The following TRHDE variants were observed in gnomAD, a reference collection of about 807,000 sequenced individuals.
The protein encoded by TRHDE is thyrotropin-releasing hormone-degrading ectoenzyme.
A neutral mutation model predicts 125.7 loss-of-function variants in TRHDE; 72 were observed. The observed-to-expected ratio is 0.57, with a 90% CI of 0.47 to 0.70. TRHDE has a LOEUF of 0.70. TRHDE is among the 30% of genes least tolerant of loss of function. The pLI is 0.00. For synonymous variants in TRHDE, 509 were observed against 509.1 expected, an observed-to-expected ratio of 1.00 and a Z score of 0.00; for missense variants, 1,110 against 1,327.1, an observed-to-expected ratio of 0.84 and a Z score of 2.54.
chr12:72,191,881 GA>G (rs1565659273), intron 2 of TRHDE, among the ~76,000 whole-genome samples: 1 of 152,026 alleles, frequency 6.6e-6, no homozygotes, highest in African/African-American at 2.4e-5. Context: ...AATACTTTCC[GA>G]AAACAGAATC....
intron 2 of TRHDE, among the ~76,000 whole-genome samples, chr12:72,357,278 C>T (rs985816214): frequency 2.0e-5 from 3 of 151,444 alleles, no homozygotes; most frequent in Non-Finnish European, 3.0e-5. Context: ...ATTACTAGTC[C>T]ATGAAAAATA....
intron 15 of TRHDE, among the ~76,000 whole-genome samples, chr12:72,636,967 T>G (rs1270051796): frequency 6.6e-6 from 1 of 152,182 alleles, no homozygotes; most frequent in Admixed American, 6.5e-5. Flanking sequence ...AAAATTCTCT[T>G]TTTTGGTTGT....
chr12:72,626,276 T>C (rs1188165264), intron 15 of TRHDE, among the ~76,000 whole-genome samples: 8 of 151,940 alleles, frequency 5.3e-5, no homozygotes, highest in African/African-American at 1.9e-4. Context: ...ATCATATTAC[T>C]AACCACACAG....
chr12:72,293,265 T>C (rs1417194971), intron 2 of TRHDE, among the ~76,000 whole-genome samples: 2 of 152,168 alleles, frequency 1.3e-5, no homozygotes, highest in African/African-American at 2.4e-5. Flanking sequence ...GTCAGATTCA[T>C]AGTTTGTGAA....
intron 12 of TRHDE, among the ~76,000 whole-genome samples, chr12:72,594,569 T>A (rs1871846069): frequency 6.6e-6 from 1 of 151,784 alleles, no homozygotes; most frequent in Non-Finnish European, 1.5e-5. Flanking sequence ...TAATCCCATT[T>A]GGTATTTATG....
intron 2 of TRHDE, among the ~76,000 whole-genome samples, chr12:72,302,392 CT>C (rs1482735961): frequency 6.6e-6 from 1 of 151,908 alleles, no homozygotes; most frequent in Non-Finnish European, 1.5e-5. Flanking sequence ...CCTAATGGAA[CT>C]TCATAAAAAT....
At chr12:72,281,772 T>A (rs1369501957) in intron 1 of TRHDE, among the ~76,000 whole-genome samples, 1 of 152,220 alleles carries the variant, frequency 6.6e-6, no homozygotes, top group Non-Finnish European at 1.5e-5. Flanking sequence ...TATCACATAC[T>A]GTAATTTGTT....
chr12:72,200,879 G>A (rs182417150), intron 2 of TRHDE, among the ~76,000 whole-genome samples: 1 of 152,184 alleles, frequency 6.6e-6, no homozygotes, highest in Non-Finnish European at 1.5e-5. Flanking sequence ...CAAAGGCAGG[G>A]CACCTAAACC....
chr12:72,146,730 A>T (rs957493822), intron 2 of TRHDE, among the ~76,000 whole-genome samples: 4 of 152,174 alleles, frequency 2.6e-5, no homozygotes, highest in African/African-American at 9.7e-5. Flanking sequence ...CCGTCCGCAG[A>T]CGGCTTCAGT....
At chr12:72,218,248 A>G (rs904275973) in intron 2 of TRHDE, among the ~76,000 whole-genome samples, 1 of 152,140 alleles carries the variant, frequency 6.6e-6, no homozygotes, top group African/African-American at 2.4e-5. Context: ...CTTCTGGATC[A>G]GGTATAAATT....
intron 6 of TRHDE, among the ~76,000 whole-genome samples, chr12:72,536,894 A>G (rs1390793662): frequency 6.6e-6 from 1 of 152,052 alleles, no homozygotes; most frequent in East Asian, 1.9e-4. Context: ...TTCTGTGAGC[A>G]TCTCACTGAT....
intron 2 of TRHDE, among the ~76,000 whole-genome samples, chr12:72,132,954 A>T (rs1875896843): frequency 6.6e-6 from 1 of 152,154 alleles, no homozygotes; most frequent in African/African-American, 2.4e-5. Flanking sequence ...AGGCATGGAG[A>T]TGGAAAGAGA....
chr12:72,103,856 C>T (rs1207841467), intron 1 of TRHDE, among the ~76,000 whole-genome samples: 1 of 152,078 alleles, frequency 6.6e-6, no homozygotes, highest in East Asian at 1.9e-4. Context: ...GATGGTAATA[C>T]TGAGCCGCTC....
chr12:72,296,538 T>A (rs1237058586), intron 2 of TRHDE, among the ~76,000 whole-genome samples: 1 of 151,904 alleles, frequency 6.6e-6, no homozygotes, highest in Non-Finnish European at 1.5e-5. Context: ...AATAGCTGAG[T>A]CATAGCTAGG....
chr12:72,566,318 AT>A lies in TRHDE; in HGVS notation c.2043-2240del, dbSNP rs573420541. Among the ~76,000 whole-genome samples, 209 of 149,820 alleles carry A rather than the reference AT, an allele frequency of 1.4e-3. 1 individual carries two copies. The highest frequency in any genetic ancestry group is 2.9e-3 in the African/African-American group (119 of 40,508). ...AAAAATTATTCTTAGGAAATAATAA[AT>A]TTTTTTTTTAAGTTTTAAAAAATGC... On this transcript the variant is annotated intron_variant, in intron 9 of 18. Coordinates refer to ENST00000261180, the MANE Select transcript of TRHDE (RefSeq NM_013381.3).
intron 3 of TRHDE, among the ~76,000 whole-genome samples, chr12:72,383,370 ATTTTTTTT>A (rs552559387): frequency 4.0e-5 from 4 of 100,946 alleles, no homozygotes; most frequent in African/African-American, 1.3e-4. Flanking sequence ...AACCCATTTA[ATTTTTTTT>A]TTTTTTTTTT....
chr12:72,529,447 A>T (rs1464258109), intron 6 of TRHDE, among the ~76,000 whole-genome samples: 1 of 152,154 alleles, frequency 6.6e-6, no homozygotes, highest in Non-Finnish European at 1.5e-5. Context: ...CTATTCCCAG[A>T]GGTAATCATT....
At chr12:72,416,558 T>C (rs1873740701) in intron 3 of TRHDE, among the ~76,000 whole-genome samples, 1 of 152,064 alleles carries the variant, frequency 6.6e-6, no homozygotes, top group Non-Finnish European at 1.5e-5. Flanking sequence ...CATCTGTGTA[T>C]GGTGAGAGAT....
rs1195193842 is a variant in TRHDE, at chr12:72,577,112, G to A, written c.2321+1570G>A. Among the ~76,000 whole-genome samples, 4 of 152,148 alleles carry A rather than the reference G, an allele frequency of 2.6e-5. 1 individual carries two copies. Among genetic ancestry groups the A allele is most frequent in the South Asian group, 4.1e-4 (2 of 4,826 alleles). ...GATTATTTTGGCACAGAAGTTTAGAGAGTCCAGCAAGCCAGAAGGATAATG... is the reference window on the plus strand; with the variant it reads ...GATTATTTTGGCACAGAAGTTTAGAAAGTCCAGCAAGCCAGAAGGATAATG... On this transcript the variant is annotated intron_variant, in intron 12 of 18. Transcript: ENST00000261180.
Sources: allele counts gnomAD v4.1 joint callset (sites outside exome capture counted in the v4.1 genomes callset), GRCh38; gene constraint gnomAD v4.1.1; transcripts MANE v1.5; gene names NCBI Gene and HGNC (gene_info 2026-07-23, HGNC 2026-07-21).